The following LMAN2L variants were observed in gnomAD, a reference collection of about 807,000 sequenced individuals.
LMAN2L encodes the protein VIP36-like protein.
Under a neutral mutation model 44.3 loss-of-function variants are expected in LMAN2L, and 30 were observed. The ratio of observed to expected loss-of-function variants is 0.68; its 90% CI spans 0.51 to 0.92. The LOEUF is 0.92. Ranked by LOEUF, LMAN2L falls within the 40% of genes least tolerant of loss-of-function variation. LMAN2L has a pLI of 0.00. For synonymous variants in LMAN2L, 183 were observed against 171.1 expected, an observed-to-expected ratio of 1.07 and a Z score of -0.54; for missense variants, 429 against 446.1, an observed-to-expected ratio of 0.96 and a Z score of 0.35.
At chr2:96,719,883 A>T (rs1183458468) in intron 4 of LMAN2L, among the ~76,000 whole-genome samples, 1 of 152,184 alleles carries the variant, frequency 6.6e-6, no homozygotes, top group East Asian at 1.9e-4. Context: ...AGTAAAAATT[A>T]ACCTGGCATG....
intron 1 of LMAN2L, among the ~76,000 whole-genome samples, chr2:96,739,041 T>C (rs1303377335): frequency 1.3e-5 from 2 of 152,162 alleles, no homozygotes; most frequent in Non-Finnish European, 2.9e-5. Flanking sequence ...GCCCCAGCCG[T>C]CACATTCTTT....
At chr2:96,707,466 AG>A (rs998318260) in intron 7 of LMAN2L, 68 bp from the exon 8 acceptor site, 1 of 1,509,280 alleles carries the variant, frequency 6.6e-7, no homozygotes, top group African/African-American at 1.4e-5. Context: ...ATCAAACTAT[AG>A]GCTGTCCGGC....
Position 96,707,831 on chromosome 2 carries a change from T to C in LMAN2L, c.787A>G (p.Asn263Asp). Residue 263 changes from asparagine to aspartate, a missense_variant and splice_region_variant, in exon 7 of 8, where the codon AAT becomes GAT. Transcript: ENST00000264963. ...AACTTCAAGGAAATGACATCATGATTATCTGAAGAAAAATGGAAGAAGGAT... is the reference window on the plus strand; with the variant it reads ...AACTTCAAGGAAATGACATCATGATCATCTGAAGAAAAATGGAAGAAGGAT... The part of the protein sequence containing the change: ...TSSITGDLSD[N>D]HDVISLKLFE... 6.2e-7 allele frequency: 1 copy of C among 1,613,258 alleles called. No homozygotes were observed. Among genetic ancestry groups the C allele is most frequent in the Non-Finnish European group, 8.5e-7 (1 of 1,179,638 alleles).
intron 4 of LMAN2L, among the ~76,000 whole-genome samples, chr2:96,730,227 CTCT>C (rs2078363934): frequency 6.6e-6 from 1 of 152,108 alleles, no homozygotes; most frequent in Admixed American, 6.6e-5. Context: ...AAGTTTAAAA[CTCT>C]TGTCAGGCCC....
At chr2:96,722,866 A>T (rs761228974) in intron 4 of LMAN2L, among the ~76,000 whole-genome samples, 42 of 152,182 alleles carry the variant, frequency 2.8e-4, no homozygotes, top group Non-Finnish European at 5.1e-4. Context: ...CTAAAAATGT[A>T]AAAATTAGCC....
chr2:96,732,671 A>C (rs866143575), intron 4 of LMAN2L, among the ~76,000 whole-genome samples: 13 of 151,586 alleles, frequency 8.6e-5, no homozygotes, highest in Middle Eastern at 3.4e-3. Context: ...AAAAAAAAAG[A>C]AAGCACTAAA....
chr2:96,731,646 T>C (rs899578849), intron 4 of LMAN2L, among the ~76,000 whole-genome samples: 3 of 151,600 alleles, frequency 2.0e-5, no homozygotes, highest in African/African-American at 7.3e-5. Flanking sequence ...AGACTCCATC[T>C]CAAAAAATAA....
intron 2 of LMAN2L, among the ~76,000 whole-genome samples, chr2:96,736,870 G>A (rs1291395560): frequency 6.6e-6 from 1 of 152,122 alleles, no homozygotes; most frequent in Non-Finnish European, 1.5e-5. Flanking sequence ...AAATGAGCTC[G>A]GCACTATGAT....
intron 4 of LMAN2L, among the ~76,000 whole-genome samples, chr2:96,730,775 A>G (rs1227521273): frequency 6.6e-6 from 1 of 152,102 alleles, no homozygotes; most frequent in East Asian, 1.9e-4. Flanking sequence ...TCCAGGTTCA[A>G]GCGATTCTCC....
Position 96,707,748 on chromosome 2 carries a change from G to A in LMAN2L, c.870C>T (p.Phe290=), listed in dbSNP as rs769889604. 10 of 1,614,148 alleles carry A rather than the reference G, an allele frequency of 6.2e-6. No homozygotes were observed. Among genetic ancestry groups the A allele is most frequent in the Non-Finnish European group, 7.6e-6 (9 of 1,180,006 alleles). ...PEEEKLHRDV[F]LPSVDNMKLP... is the part of the protein sequence containing the mutation. ...GCTTCATATTGTCCACTGAGGGCAA[G>A]AACACATCTCGATGGAGCTTTTCCT... Residue 290 remains phenylalanine (F), a synonymous_variant, in exon 7 of 8, where the codon TTC becomes TTT. Transcript: ENST00000264963.
intron 6 of LMAN2L, 143 bp from the exon 7 acceptor site, chr2:96,707,976 A>T (rs2077822555): frequency 2.5e-6 from 2 of 805,536 alleles, no homozygotes; most frequent in Admixed American, 2.5e-5. Context: ...CCATTTTGCA[A>T]CTAAAAATAA....
chr2:96,710,234 T>C (rs2077883157), intron 6 of LMAN2L, among the ~76,000 whole-genome samples: 1 of 152,242 alleles, frequency 6.6e-6, no homozygotes, highest in African/African-American at 2.4e-5. Context: ...TTAATTGTGA[T>C]GGTGACTACA....
At chr2:96,734,368 G>T in intron 3 of LMAN2L, 41 bp downstream of exon 3, 1 of 1,208,292 alleles carries the variant, frequency 8.3e-7, no homozygotes, top group Non-Finnish European at 1.2e-6. Flanking sequence ...TGAAAAATCA[G>T]GCTGTCACAC....
At chr2:96,712,882 G>A (rs1042611879) in intron 4 of LMAN2L, among the ~76,000 whole-genome samples, 2 of 152,216 alleles carry the variant, frequency 1.3e-5, no homozygotes, top group South Asian at 2.1e-4. Flanking sequence ...CCAAGGCAGT[G>A]CAAAAAGGCA....
At chr2:96,734,127 C>T (rs898913326) in intron 3 of LMAN2L, among the ~76,000 whole-genome samples, 1 of 152,192 alleles carries the variant, frequency 6.6e-6, no homozygotes, top group Non-Finnish European at 1.5e-5. Context: ...CAATCGTCAG[C>T]GTTCAGGAGA....
At chr2:96,707,511 G>C (rs1413454678) in intron 7 of LMAN2L, 113 bp from the exon 8 acceptor site, 7 of 1,325,114 alleles carry the variant, frequency 5.3e-6, no homozygotes, top group Non-Finnish European at 7.2e-6. Flanking sequence ...TGGGAAGCCA[G>C]AGCTTAGACC....
intron 4 of LMAN2L, among the ~76,000 whole-genome samples, chr2:96,721,088 C>CA (rs750896374): frequency 0.025 from 3,797 of 151,238 alleles, 189 homozygotes; most frequent in African/African-American, 0.088. Context: ...TTTCATCACC[C>CA]CAAAAAAAAA....
chr2:96,722,504 T>C (rs1331164215), intron 4 of LMAN2L, among the ~76,000 whole-genome samples: 2 of 152,118 alleles, frequency 1.3e-5, no homozygotes, highest in Non-Finnish European at 2.9e-5. Context: ...GAGAATCTAA[T>C]GCCACCACTG....
At chr2:96,738,136 G>T in intron 1 of LMAN2L, 69 bp from the exon 2 acceptor site, 1 of 997,850 alleles carries the variant, frequency 1.0e-6, no homozygotes, top group Non-Finnish European at 1.6e-6. Flanking sequence ...CCACCACAGA[G>T]CCTCTGAAAG....
Sources: gnomAD v4.1 joint callset for allele counts (sites outside exome capture counted in the v4.1 genomes callset) on GRCh38, gnomAD v4.1.1 for gene constraint, MANE v1.5 for transcripts, NCBI Gene and HGNC (gene_info 2026-07-23, HGNC 2026-07-21) for gene names.